ITPR1: variants seen among roughly 807,000 people sequenced by gnomAD.
ITPR1 encodes inositol 1,4,5-trisphosphate receptor type 1, also known as inositol 1,4,5-trisphosphate-gated calcium channel ITPR1.
In ITPR1, 96 loss-of-function variants were observed where a neutral mutation model predicts 318.4. The observed-to-expected ratio is 0.30, with a 90% CI of 0.26 to 0.36. The LOEUF (loss-of-function observed/expected upper bound fraction) is 0.36. ITPR1 is among the 10% of genes least tolerant of loss of function. The pLI is 1.00. For synonymous variants in ITPR1, 1,312 were observed against 1,289.9 expected (o/e 1.02, Z -0.37); for missense variants, 2,440 against 3,460.2 (o/e 0.71, Z 7.40).
chr3:4,710,330 C>A lies in ITPR1; in HGVS notation c.4848C>A (p.Ile1616=). The change falls in exon 38 of 62, where the codon ATC becomes ATA. Residue 1616 remains isoleucine (I), a synonymous_variant. Coordinates refer to ENST00000649015, the MANE Select transcript of ITPR1 (RefSeq NM_001378452.1). This position sits in a 1 kb window ranked among gnomAD's most constrained non-coding sequence, Gnocchi z 4.2. ...YRNIIERLQD[I]VSALEDRLRP... is the part of the protein sequence containing the mutation. ...AGGCTGTGTTTCCGTTTTAGGACAT[C>A]GTCTCCGCGCTGGAGGACCGTCTCA... is the stretch of plus-strand genomic sequence containing the variant. The A allele has an allele frequency of 6.4e-7, 1 of 1,551,410 alleles. No individual in the cohort carries two copies. The highest frequency in any genetic ancestry group is 8.7e-7 in the Non-Finnish European group (1 of 1,143,160).
chr3:4,742,549 C>A (rs1371110502), intron 44 of ITPR1, among the ~76,000 whole-genome samples: 1 of 152,180 alleles, frequency 6.6e-6, no homozygotes, highest in African/African-American at 2.4e-5. Context: ...TTTTCACAGA[C>A]TATTTATAGA....
At chr3:4,548,466 G>T (rs1273555011) in intron 4 of ITPR1, among the ~76,000 whole-genome samples, 2 of 152,066 alleles carry the variant, frequency 1.3e-5, no homozygotes, top group African/African-American at 4.8e-5. Context: ...CTTTAATTTG[G>T]TCTATTTAGC....
chr3:4,768,860 T>G, intron 46 of ITPR1, 96 bp downstream of exon 46: 1 of 1,224,468 alleles, frequency 8.2e-7, no homozygotes, highest in Non-Finnish European at 1.1e-6. Flanking sequence ...TTGGGCCAGA[T>G]TGCTTGAGCC....
At chr3:4,800,170 A>T in intron 53 of ITPR1, 3 of 488,456 alleles carry the variant, frequency 6.1e-6, no homozygotes, top group Non-Finnish European at 1.1e-5. Flanking sequence ...TTCCTGGAAG[A>T]AGTAATGTCA....
chr3:4,602,176 C>G (rs2091337103), intron 4 of ITPR1, among the ~76,000 whole-genome samples: 1 of 152,218 alleles, frequency 6.6e-6, no homozygotes, highest in South Asian at 2.1e-4. Context: ...TCAGCAGTTT[C>G]ACTCCTTAGG....
Position 4,611,910 on chromosome 3 carries a change from T to G in ITPR1, c.164-15853T>G, listed in dbSNP as rs2092145454. Among the ~76,000 whole-genome samples the G allele has an allele frequency of 2.0e-5, 3 of 151,806 alleles. No individual in the cohort carries two copies. In the South Asian group the frequency reaches 6.3e-4, roughly 32 times the overall value. On this transcript the variant is annotated intron_variant, in intron 4 of 61. Coordinates refer to ENST00000649015, the MANE Select transcript of ITPR1 (RefSeq NM_001378452.1). ...CAAGAGAATAAAAGTACAATGACTCTCCATGCACAGTGGCTTTCCATGTCT... is the reference window on the plus strand; with the variant it reads ...CAAGAGAATAAAAGTACAATGACTCGCCATGCACAGTGGCTTTCCATGTCT...
intron 46 of ITPR1, 48 bp downstream of exon 46, chr3:4,768,812 C>A: frequency 6.4e-7 from 1 of 1,562,412 alleles, no homozygotes; most frequent in South Asian, 1.2e-5. Flanking sequence ...GAAAGGCTGC[C>A]AAGGCCTGCC....
At chr3:4,591,087 A>G (rs927229910) in intron 4 of ITPR1, among the ~76,000 whole-genome samples, 1 of 152,180 alleles carries the variant, frequency 6.6e-6, no homozygotes, top group East Asian at 1.9e-4. Context: ...ATAGTATTCC[A>G]TGGTGTAGAT....
At chr3:4,528,239 A>G (rs189679389) in intron 4 of ITPR1, among the ~76,000 whole-genome samples, 10 of 152,300 alleles carry the variant, frequency 6.6e-5, no homozygotes, top group Admixed American at 4.6e-4. Flanking sequence ...AAACTTTGCT[A>G]TTAGTGGCGG....
At chr3:4,520,393 A>G (rs1263897199) in intron 3 of ITPR1, among the ~76,000 whole-genome samples, 1 of 152,176 alleles carries the variant, frequency 6.6e-6, no homozygotes, top group Non-Finnish European at 1.5e-5. Context: ...GATGCTCCAC[A>G]GTCCTTTCAT....
At chr3:4,674,932 T>C in intron 22 of ITPR1, 136 bp from the exon 23 acceptor site, 1 of 561,790 alleles carries the variant, frequency 1.8e-6, no homozygotes. Context: ...TATCAGAAAG[T>C]GCAAGGAAAA....
chr3:4,691,093 C>A, intron 31 of ITPR1, 51 bp from the exon 32 acceptor site: 1 of 1,295,124 alleles, frequency 7.7e-7, no homozygotes, highest in South Asian at 1.5e-5. Context: ...TTAATCTGTT[C>A]TGTCAGCTTT....
intron 4 of ITPR1, among the ~76,000 whole-genome samples, chr3:4,585,439 C>T (rs1341575338): frequency 6.6e-6 from 1 of 151,594 alleles, no homozygotes; most frequent in Non-Finnish European, 1.5e-5. Context: ...TATTTTTTAT[C>T]TTATTTATTT....
intron 4 of ITPR1, among the ~76,000 whole-genome samples, chr3:4,621,822 C>G (rs573550129): frequency 2.0e-5 from 3 of 152,198 alleles, no homozygotes; most frequent in Non-Finnish European, 4.4e-5. Context: ...GGGCTTGGCC[C>G]GAGTTTTATG....
intron 7 of ITPR1, among the ~76,000 whole-genome samples, chr3:4,643,375 A>G (rs1221814785): frequency 6.6e-6 from 1 of 152,226 alleles, no homozygotes. Context: ...TTTTCAGCAC[A>G]TCCTTTGGTT....
intron 5 of ITPR1, among the ~76,000 whole-genome samples, chr3:4,635,515 T>A (rs944774301): frequency 2.0e-5 from 3 of 151,198 alleles, no homozygotes; most frequent in African/African-American, 7.3e-5. Context: ...TAATTTTTTG[T>A]ATTTTTTTTT....
At chr3:4,764,525 C>T (rs916511298) in intron 44 of ITPR1, among the ~76,000 whole-genome samples, 4 of 152,294 alleles carry the variant, frequency 2.6e-5, no homozygotes, top group Admixed American at 6.5e-5. Context: ...AGGAGGTGAA[C>T]GGTCAGTGCA....
At chr3:4,690,944 G>A (rs934934883) in intron 31 of ITPR1, among the ~76,000 whole-genome samples, 200 bp from the exon 32 acceptor site, 1 of 152,056 alleles carries the variant, frequency 6.6e-6, no homozygotes, top group African/African-American at 2.4e-5. Context: ...TTACTTTTCT[G>A]TATGTTTATT....
At chr3:4,677,619 G>A (rs956842098) in intron 24 of ITPR1, among the ~76,000 whole-genome samples, 4 of 152,190 alleles carry the variant, frequency 2.6e-5, no homozygotes, top group African/African-American at 9.7e-5. Flanking sequence ...AAGTCGGGGA[G>A]TAAATATATA....
Sources: allele counts gnomAD v4.1 joint callset (sites outside exome capture counted in the v4.1 genomes callset), GRCh38; gene constraint gnomAD v4.1.1; non-coding constraint Gnocchi (gnomAD v3.1); transcripts MANE v1.5; gene names NCBI Gene and HGNC (gene_info 2026-07-23, HGNC 2026-07-21).